Variants in TMEM87B observed in about 807,000 individuals in gnomAD.
The protein encoded by TMEM87B is transmembrane protein 87B.
In TMEM87B, 83 loss-of-function variants were observed where a neutral mutation model predicts 80.3. The observed-to-expected ratio is 1.03, with a 90% CI of 0.87 to 1.24. TMEM87B has a LOEUF of 1.24. Among genes scored for constraint, TMEM87B ranks in the 50% most tolerant of loss-of-function variants. The probability of loss-of-function intolerance (pLI) is 0.00; values close to 1 mark genes in which losing one functional copy is unlikely to be tolerated. For missense variants in TMEM87B, 625 were observed against 674.4 expected (o/e 0.93, Z 0.81); for synonymous variants, 219 against 230.5 (o/e 0.95, Z 0.45).
At chr2:112,061,027 C>T (rs62157786) in intron 2 of TMEM87B, among the ~76,000 whole-genome samples, 21,740 of 152,096 alleles carry the variant, frequency 0.14, 1,661 homozygotes, top group South Asian at 0.21. Flanking sequence ...GTGATAAACC[C>T]TTTATGGCCT....
rs150595056 is a variant in TMEM87B, at chr2:112,106,219, G to T, written c.1524+144G>T. ...TGTTGTTGTTATAAAAATTAGTGTT[G>T]CCAAGTGCCAAGTAGCAATCCTGGT... is the stretch of plus-strand genomic sequence containing the variant. On this transcript the variant is annotated intron_variant, in intron 16 of 18. Coordinates refer to ENST00000283206, the MANE Select transcript of TMEM87B (RefSeq NM_032824.3). The T allele has an allele frequency of 3.1e-4, 166 of 543,194 alleles. No individual in the cohort carries two copies. The East Asian group carries it at 5.1e-3, about 17-fold the overall frequency. The allele number at this position is 543,194 out of a possible 1,614,324, so 33.6% of individuals were successfully genotyped here.
chr2:112,091,888 A>T (rs542976712), intron 11 of TMEM87B, 105 bp downstream of exon 11: 26 of 865,788 alleles, frequency 3.0e-5, no homozygotes, highest in Non-Finnish European at 4.3e-5. Flanking sequence ...CATTTTTGTT[A>T]CCTTAATACG....
intron 11 of TMEM87B, chr2:112,095,117 T>C (rs544422056): frequency 2.3e-5 from 21 of 925,236 alleles, no homozygotes; most frequent in Non-Finnish European, 2.7e-5. Context: ...CTTCCTCCCC[T>C]TTTTTTCTTC....
chr2:112,057,416 T>A (rs1252246237), intron 1 of TMEM87B, among the ~76,000 whole-genome samples: 1 of 152,148 alleles, frequency 6.6e-6, no homozygotes, highest in Middle Eastern at 3.2e-3. Flanking sequence ...GCGAAGACTA[T>A]AGGTACATGC....
intron 8 of TMEM87B, among the ~76,000 whole-genome samples, chr2:112,084,474 G>T (rs981756255): frequency 1.3e-5 from 2 of 152,152 alleles, no homozygotes; most frequent in East Asian, 1.9e-4. Context: ...TGGCGGTCTC[G>T]CCCCAGCCCA....
intron 4 of TMEM87B, 89 bp from the exon 5 acceptor site, chr2:112,074,823 T>C: frequency 7.3e-7 from 1 of 1,370,226 alleles, no homozygotes; most frequent in Non-Finnish European, 9.6e-7. Context: ...TTTTCATTTT[T>C]CTTCTAACTT....
At chr2:112,104,880 T>C (rs942724081) in intron 15 of TMEM87B, among the ~76,000 whole-genome samples, 1 of 152,194 alleles carries the variant, frequency 6.6e-6, no homozygotes, top group Non-Finnish European at 1.5e-5. Flanking sequence ...TTTTCAGTAA[T>C]AAAAAGTAAC....
intron 6 of TMEM87B, among the ~76,000 whole-genome samples, chr2:112,078,546 G>A (rs1678889630): frequency 6.6e-6 from 1 of 152,096 alleles, no homozygotes; most frequent in East Asian, 1.9e-4. Context: ...TTCCCAAAAG[G>A]CCTCACCTCT....
At chr2:112,087,982 C>T (rs952255587) in intron 9 of TMEM87B, among the ~76,000 whole-genome samples, 1 of 152,212 alleles carries the variant, frequency 6.6e-6, no homozygotes, top group Non-Finnish European at 1.5e-5. Context: ...TACTCCTCCC[C>T]AGCCTCCTCT....
chr2:112,056,653 A>G (rs1453293809), intron 1 of TMEM87B, among the ~76,000 whole-genome samples: 1 of 152,198 alleles, frequency 6.6e-6, no homozygotes, highest in African/African-American at 2.4e-5. Flanking sequence ...TCTAAAGATG[A>G]GACTTATATT....
At chr2:112,073,538 A>G (rs1358737143) in intron 4 of TMEM87B, among the ~76,000 whole-genome samples, 4 of 152,156 alleles carry the variant, frequency 2.6e-5, no homozygotes, top group African/African-American at 7.2e-5. Context: ...ATTTTAGAGT[A>G]TGTGCCATGC....
chr2:112,066,086 T>A (rs556349017), intron 3 of TMEM87B, among the ~76,000 whole-genome samples: 127 of 152,374 alleles, frequency 8.3e-4, no homozygotes, highest in Admixed American at 2.7e-3. Flanking sequence ...GAGGAAAAAC[T>A]TTTGAAACTA....
chr2:112,099,546 A>ATG (rs1244347461), intron 14 of TMEM87B, among the ~76,000 whole-genome samples: 52 of 115,070 alleles, frequency 4.5e-4, no homozygotes, highest in African/African-American at 1.7e-3. Flanking sequence ...ATATATATAT[A>ATG]TATATATATA....
In TMEM87B at chr2:112,077,192, G is replaced by A. The variant is rs746818102; in HGVS notation, c.502G>A (p.Asp168Asn). The stretch of plus-strand genomic sequence containing the variant: ...AGAATTTTTTTCACCTCTATTTCAG[G>A]ATGTTGTAGCCAGAACACAAAAAGA... ...RNVSNQERSMDVVARTQKDGF... is the reference protein window; with the variant it reads ...RNVSNQERSMNVVARTQKDGF... Residue 168 changes from aspartate to asparagine, a missense_variant and splice_region_variant, in exon 6 of 19, where the codon GAT becomes AAT. Transcript: ENST00000283206. 6.4e-7 allele frequency: 1 copy of A among 1,561,534 alleles called. No homozygotes were observed. Among genetic ancestry groups the A allele is most frequent in the Non-Finnish European group, 8.7e-7 (1 of 1,151,694 alleles).
rs997806526 is a variant in TMEM87B, at chr2:112,069,016, C to T, written c.450+1949C>T. Among the ~76,000 whole-genome samples the T allele has an allele frequency of 1.4e-3, 215 of 150,950 alleles. 5 individuals are homozygous for T. Among genetic ancestry groups the T allele is most frequent in the Non-Finnish European group, 3.0e-4 (20 of 67,668 alleles). ...GACCATCCTGGCTAACAAGGTGAAA[C>T]CCCGTCTCTACTAAAAATACAAAAA... On this transcript the variant is annotated intron_variant, in intron 4 of 18. Coordinates refer to ENST00000283206, the MANE Select transcript of TMEM87B (RefSeq NM_032824.3).
At chr2:112,058,079 A>C (rs1170228982) in intron 1 of TMEM87B, among the ~76,000 whole-genome samples, 2 of 152,188 alleles carry the variant, frequency 1.3e-5, no homozygotes. Flanking sequence ...CTCCCGCCTC[A>C]GCCTCCCAAA....
At chr2:112,056,169 G>A (rs772248694) in intron 1 of TMEM87B, among the ~76,000 whole-genome samples, 1 of 152,138 alleles carries the variant, frequency 6.6e-6, no homozygotes, top group Non-Finnish European at 1.5e-5. Context: ...GCCGCAGGGA[G>A]GACTTGCCAG....
intron 3 of TMEM87B, among the ~76,000 whole-genome samples, chr2:112,065,954 C>T (rs1678422015): frequency 6.6e-6 from 1 of 152,196 alleles, no homozygotes; most frequent in Non-Finnish European, 1.5e-5. Flanking sequence ...AGGAATACCA[C>T]AGAATACTGA....
At position 112,081,080 on chromosome 2, in the gene TMEM87B, C is replaced by T. The variant is rs151250123; in HGVS notation, c.616C>T (p.His206Tyr). 41 of 1,612,734 alleles carry T rather than the reference C, an allele frequency of 2.5e-5. No individual in the cohort carries two copies. The highest frequency in any genetic ancestry group is 1.1e-4 in the East Asian group (5 of 44,866). The change falls in exon 7 of 19, where the codon CAT becomes TAT. Residue 206 changes from histidine to tyrosine, a missense_variant. Physicochemically the swap from His to Tyr is moderately conservative, Grantham distance 83 (BLOSUM62 2). Transcript: ENST00000283206. ...AGTTTCTCTTTCTATGATTGGGCCTCATGGATATATCTCTGCATCAGATTG... is the reference window on the plus strand; with the variant it reads ...AGTTTCTCTTTCTATGATTGGGCCTTATGGATATATCTCTGCATCAGATTG... The part of the protein sequence containing the change: ...LNVSLSMIGP[H>Y]GYISASDWPL...
Sources: allele counts gnomAD v4.1 joint callset (sites outside exome capture counted in the v4.1 genomes callset), GRCh38; gene constraint gnomAD v4.1.1; transcripts MANE v1.5; gene names NCBI Gene and HGNC (gene_info 2026-07-23, HGNC 2026-07-21).